Variants in OCA2 observed in about 807,000 individuals in gnomAD.
The protein encoded by OCA2 is P protein.
In OCA2, 77 loss-of-function variants were observed where a neutral mutation model predicts 100.2. The ratio of observed to expected loss-of-function variants is 0.77; its 90% CI spans 0.64 to 0.93. The LOEUF (loss-of-function observed/expected upper bound fraction) is 0.93, where lower values mean the gene tolerates loss of function less well. Ranked by LOEUF, OCA2 falls within the 40% of genes least tolerant of loss-of-function variation. The pLI is 0.00. For missense variants in OCA2, 1,062 were observed against 1,089.1 expected (o/e 0.98, Z 0.35); for synonymous variants, 432 against 439.2 (o/e 0.98, Z 0.21).
chr15:27,743,027 A>G, the OCA2 span, among the ~76,000 whole-genome samples: 12,081 of 152,308 alleles, frequency 0.079, 1,465 homozygotes, highest in African/African-American at 0.26. Context: ...AAATGCCATC[A>G]GGGTAGACAT....
At chr15:27,720,504 GA>G in the OCA2 span, among the ~76,000 whole-genome samples, 1 of 150,150 alleles carries the variant, frequency 6.7e-6, no homozygotes, top group Non-Finnish European at 1.5e-5. Flanking sequence ...CATCTATGAA[GA>G]AGCTGTATAA....
intron 2 of OCA2, among the ~76,000 whole-genome samples, chr15:28,079,371 A>T (rs1173800788): frequency 4.0e-5 from 6 of 151,734 alleles, no homozygotes; most frequent in Admixed American, 6.6e-5. Flanking sequence ...CTCTTCAGTA[A>T]CCTTTAGCCT....
At chr15:27,775,345 C>T (rs539832375) in intron 23 of OCA2, among the ~76,000 whole-genome samples, 12 of 152,304 alleles carry the variant, frequency 7.9e-5, no homozygotes, top group African/African-American at 2.6e-4. Flanking sequence ...GCTGCCCAGA[C>T]GCCCAGTTCT....
At chr15:27,851,610 C>A in intron 21 of OCA2, 135 bp from the exon 22 acceptor site, 1 of 797,984 alleles carries the variant, frequency 1.3e-6, no homozygotes, top group Non-Finnish European at 2.1e-6. Context: ...GGAAAGAAAC[C>A]AAAGCAGACT....
intron 23 of OCA2, among the ~76,000 whole-genome samples, chr15:27,798,842 AC>A (rs2033461875): frequency 6.6e-6 from 1 of 152,232 alleles, no homozygotes; most frequent in African/African-American, 2.4e-5. Flanking sequence ...AAAGCATTTA[AC>A]AAAGTTAGGC....
Position 28,084,852 on chromosome 15 carries a change from G to T in OCA2, c.-21-2957C>A, listed in dbSNP as rs138797848. Among the ~76,000 whole-genome samples, 422 of 152,350 alleles carry T rather than the reference G, an allele frequency of 2.8e-3. 4 individuals are homozygous for T. The highest frequency in any genetic ancestry group is 9.6e-3 in the African/African-American group (398 of 41,588). On this transcript the variant is annotated intron_variant, in intron 1 of 23. Transcript: ENST00000354638. ...CCATGTGGGCTCCTCCAGTATGTTG[G>T]CTTGCCTTTTCAGGCAACAAGGAGC...
chr15:28,038,492 AT>A (rs2043110062), intron 2 of OCA2, among the ~76,000 whole-genome samples: 2 of 152,192 alleles, frequency 1.3e-5, no homozygotes, highest in African/African-American at 2.4e-5. Context: ...CTATGCACAC[AT>A]TTTCAGGAGA....
At chr15:27,865,470 G>A (rs1015483467) in intron 21 of OCA2, among the ~76,000 whole-genome samples, 3 of 152,190 alleles carry the variant, frequency 2.0e-5, no homozygotes, top group Admixed American at 6.5e-5. Context: ...ACTGGGCGGC[G>A]AGAGCCCAGG....
intron 23 of OCA2, among the ~76,000 whole-genome samples, chr15:27,830,666 A>C (rs1026856375): frequency 1.3e-5 from 2 of 152,200 alleles, no homozygotes; most frequent in Non-Finnish European, 2.9e-5. Flanking sequence ...GACTGTGTGT[A>C]TATCAACTGA....
intron 23 of OCA2, among the ~76,000 whole-genome samples, chr15:27,769,486 G>C (rs1481458981): frequency 6.6e-6 from 1 of 152,108 alleles, no homozygotes; most frequent in African/African-American, 2.4e-5. Context: ...GTCTCAGACT[G>C]AAACCATTCT....
chr15:27,916,827 A>AGTGG (rs1381071292), intron 19 of OCA2, among the ~76,000 whole-genome samples: 1 of 152,196 alleles, frequency 6.6e-6, no homozygotes, highest in Non-Finnish European at 1.5e-5. Context: ...TGTGCTTCAG[A>AGTGG]GTGGGGCCTG....
At chr15:27,942,477 G>A (rs1038291644) in intron 18 of OCA2, among the ~76,000 whole-genome samples, 1 of 151,972 alleles carries the variant, frequency 6.6e-6, no homozygotes, top group African/African-American at 2.4e-5. Context: ...AGTAGGATTA[G>A]TGGTTTCCAG....
chr15:27,972,823 A>T (rs1382911632), intron 14 of OCA2, among the ~76,000 whole-genome samples: 2 of 14,114 alleles, frequency 1.4e-4, no homozygotes, highest in African/African-American at 2.1e-4. Context: ...TTTGATGGTT[A>T]TTTTATTTTA....
At chr15:27,839,945 T>C (rs2035286216) in intron 23 of OCA2, among the ~76,000 whole-genome samples, 1 of 152,016 alleles carries the variant, frequency 6.6e-6, no homozygotes, top group Non-Finnish European at 1.5e-5. Context: ...TTCTTCAAAC[T>C]GGAAATTGAG....
At chr15:27,767,208 C>T (rs907727337) in intron 23 of OCA2, among the ~76,000 whole-genome samples, 1 of 152,194 alleles carries the variant, frequency 6.6e-6, no homozygotes, top group Non-Finnish European at 1.5e-5. Flanking sequence ...ATGAGCTCAA[C>T]TAACAACTTC....
chr15:27,777,430 T>C (rs891147405), intron 23 of OCA2, among the ~76,000 whole-genome samples: 8 of 152,314 alleles, frequency 5.3e-5, no homozygotes, highest in Admixed American at 6.5e-5. Flanking sequence ...TGAGAATGCA[T>C]TTATGCATTG....
chr15:28,066,020 A>C (rs932207408), intron 2 of OCA2, among the ~76,000 whole-genome samples: 3 of 152,188 alleles, frequency 2.0e-5, no homozygotes, highest in Admixed American at 6.5e-5. Flanking sequence ...CCCACAAAAA[A>C]ATCTACAAAC....
chr15:28,061,504 T>C (rs1335168537), intron 2 of OCA2, among the ~76,000 whole-genome samples: 1 of 151,898 alleles, frequency 6.6e-6, no homozygotes, highest in Admixed American at 6.6e-5. Context: ...AATATACACA[T>C]GCAAAGACAT....
At chr15:27,944,691 C>T (rs1239026859) in intron 18 of OCA2, among the ~76,000 whole-genome samples, 2 of 152,126 alleles carry the variant, frequency 1.3e-5, no homozygotes, top group African/African-American at 2.4e-5. Flanking sequence ...ATGATTTACA[C>T]CCTCAACCAA....
Sources: allele counts gnomAD v4.1 joint callset (sites outside exome capture counted in the v4.1 genomes callset), GRCh38; gene constraint gnomAD v4.1.1; transcripts MANE v1.5; gene names NCBI Gene and HGNC (gene_info 2026-07-23, HGNC 2026-07-21).